The following CSNK1G2 variants were observed in gnomAD, a reference collection of about 807,000 sequenced individuals.
The protein encoded by CSNK1G2 is casein kinase I isoform gamma-2.
CSNK1G2 carries 11 observed loss-of-function variants against 48.0 expected under a neutral mutation model. The observed-to-expected ratio is 0.23, with a 90% CI of 0.14 to 0.38. The LOEUF (loss-of-function observed/expected upper bound fraction) is 0.38, where lower values mean the gene tolerates loss of function less well. Among genes scored for constraint, CSNK1G2 ranks in the 10% least tolerant of loss-of-function variants. CSNK1G2 has a pLI of 1.00. For missense variants in CSNK1G2, 446 were observed against 595.5 expected, an observed-to-expected ratio of 0.75 and a Z score of 2.61; for synonymous variants, 337 against 254.1, an observed-to-expected ratio of 1.33 and a Z score of -3.10.
rs1237028884 is a variant in CSNK1G2, at chr19:1,957,628, C to T, written c.-265-11880C>T. On this transcript the variant is annotated intron_variant, in intron 1 of 11. Coordinates refer to ENST00000255641, the MANE Select transcript of CSNK1G2 (RefSeq NM_001319.7). The surrounding 1 kb of genome is among the most constrained non-coding windows in gnomAD (Gnocchi z 5.4). Reference sequence around the variant, plus strand: ...CCGGGGCGCGCTCCACAGGCTAGGCCACTTTCACAGCTCACCACACAGGCA... The same window carrying T: ...CCGGGGCGCGCTCCACAGGCTAGGCTACTTTCACAGCTCACCACACAGGCA... 2.6e-5 allele frequency among the ~76,000 whole-genome samples: 4 copies of T among 152,330 alleles called. No individual in the cohort carries two copies. The highest frequency in any genetic ancestry group is 9.6e-5 in the African/African-American group (4 of 41,586).
chr19:1,943,649 G>A (rs1010880608), intron 1 of CSNK1G2, among the ~76,000 whole-genome samples: 2 of 152,052 alleles, frequency 1.3e-5, no homozygotes, highest in Admixed American at 1.3e-4. Context: ...TGGAACTGGT[G>A]GGGGTTACCG....
At chr19:1,975,649 C>G (rs1352558077) in intron 2 of CSNK1G2, 1 of 985,308 alleles carries the variant, frequency 1.0e-6, no homozygotes, top group African/African-American at 1.7e-5. Context: ...GCAGGAAGGA[C>G]ACGCAAATGC....
chr19:1,953,317 C>T, intron 1 of CSNK1G2: 1 of 519,790 alleles, frequency 1.9e-6, no homozygotes, highest in Admixed American at 2.0e-5. Flanking sequence ...AGAGCTGAGG[C>T]TGCTGAGGTG....
At position 1,978,234 on chromosome 19, in the gene CSNK1G2, G is replaced by A. The variant is rs1013489778; in HGVS notation, c.188-71G>A. On this transcript the variant is annotated intron_variant, in intron 2 of 11. Transcript: ENST00000255641. This position sits in a 1 kb window ranked among gnomAD's most constrained non-coding sequence, Gnocchi z 7.3. ...GGGACCCCCTCCTGCCTCCTGCCTC[G>A]GGGGTGGGCTGGGGAGGTCGGGGCT... 87 of 1,540,370 alleles carry A rather than the reference G, an allele frequency of 5.6e-5. 1 individual carries two copies. In the South Asian group the frequency reaches 7.0e-4, roughly 12 times the overall value.
chr19:1,946,301 AT>A (rs1343820498), intron 1 of CSNK1G2, among the ~76,000 whole-genome samples: 1 of 72,834 alleles, frequency 1.4e-5, no homozygotes, highest in African/African-American at 3.0e-5. Flanking sequence ...TTATTTATTT[AT>A]TTTTTTTAAG....
At chr19:1,966,442 T>C (rs1035261722) in intron 1 of CSNK1G2, among the ~76,000 whole-genome samples, 9 of 152,166 alleles carry the variant, frequency 5.9e-5, no homozygotes, top group African/African-American at 2.2e-4. Context: ...GAGAAAACTT[T>C]AACACGTGAG....
At chr19:1,947,728 G>A (rs541659691) in intron 1 of CSNK1G2, among the ~76,000 whole-genome samples, 6 of 152,352 alleles carry the variant, frequency 3.9e-5, no homozygotes, top group African/African-American at 9.6e-5. Flanking sequence ...GCTTGCGACC[G>A]CAGGGGTGGT....
At chr19:1,944,493 A>G (rs984860079) in intron 1 of CSNK1G2, among the ~76,000 whole-genome samples, 1 of 151,954 alleles carries the variant, frequency 6.6e-6, no homozygotes, top group Non-Finnish European at 1.5e-5. Flanking sequence ...TGACTCCCAC[A>G]CCTGTGCTTC....
chr19:1,956,616 C>T (rs954737672), intron 1 of CSNK1G2, among the ~76,000 whole-genome samples: 2 of 152,256 alleles, frequency 1.3e-5, no homozygotes, highest in African/African-American at 2.4e-5. Context: ...GGCATTGGCC[C>T]TTTCAGTGGT....
rs549625208 is a variant in CSNK1G2, at chr19:1,957,243, G to A, written c.-265-12265G>A. Among the ~76,000 whole-genome samples the A allele has an allele frequency of 2.4e-4, 37 of 152,326 alleles. No homozygotes were observed. Among genetic ancestry groups the A allele is most frequent in the African/African-American group, 8.4e-4 (35 of 41,562 alleles). On this transcript the variant is annotated intron_variant, in intron 1 of 11. Coordinates refer to ENST00000255641, the MANE Select transcript of CSNK1G2 (RefSeq NM_001319.7). This position sits in a 1 kb window ranked among gnomAD's most constrained non-coding sequence, Gnocchi z 5.4. The stretch of plus-strand genomic sequence containing the variant: ...CCGTGTCAGGAGGGATAGCCTACAC[G>A]GAGAGCAGGCCAGTGGCCCTGTGCC...
chr19:1,942,993 C>T (rs532010059), intron 1 of CSNK1G2, among the ~76,000 whole-genome samples: 110 of 152,256 alleles, frequency 7.2e-4, no homozygotes, highest in Admixed American at 1.8e-3. Context: ...CTCAGCCCCC[C>T]ACAGTGAGCT....
rs748416798 is a variant in CSNK1G2 at position 1,978,271 on chromosome 19, G to A, written c.188-34G>A. ...GGGAGGTCGGGGCTAGGTGGGCCCTGCGCTGGCGGTGCTGATGGTCTCTGT... is the reference window on the plus strand; with the variant it reads ...GGGAGGTCGGGGCTAGGTGGGCCCTACGCTGGCGGTGCTGATGGTCTCTGT... On this transcript the variant is annotated intron_variant, in intron 2 of 11. Transcript: ENST00000255641. The surrounding 1 kb of genome is among the most constrained non-coding windows in gnomAD (Gnocchi z 7.3). The A allele has an allele frequency of 1.2e-5, 20 of 1,612,448 alleles. No homozygotes were observed. The highest frequency in any genetic ancestry group is 2.2e-5 in the East Asian group (1 of 44,882).
At position 1,964,226 on chromosome 19, in the gene CSNK1G2, G is replaced by A. The variant is rs538148317; in HGVS notation, c.-265-5282G>A. ...GAGGATCACTTGGGCCCAGGAGGTC[G>A]AGGCTGCAGCAAGCTGTGATTGCGC... On this transcript the variant is annotated intron_variant, in intron 1 of 11. Transcript: ENST00000255641. Among the ~76,000 whole-genome samples, 225 of 151,774 alleles carry A rather than the reference G, an allele frequency of 1.5e-3. 2 individuals are homozygous for A. The highest frequency in any genetic ancestry group is 3.1e-4 in the African/African-American group (13 of 41,284).
rs542359754 is a variant in CSNK1G2, at chr19:1,943,149, G to C, written c.-266+1731G>C. ...GCAGGACCGTGCAGCGGGCAAATGGGGTGAGATGTTGGAGGAGCTGGCTCT... is the reference window on the plus strand; with the variant it reads ...GCAGGACCGTGCAGCGGGCAAATGGCGTGAGATGTTGGAGGAGCTGGCTCT... On this transcript the variant is annotated intron_variant, in intron 1 of 11. Coordinates refer to ENST00000255641, the MANE Select transcript of CSNK1G2 (RefSeq NM_001319.7). 1.1e-3 allele frequency among the ~76,000 whole-genome samples: 160 copies of C among 152,314 alleles called. 1 individual carries two copies. The highest frequency in any genetic ancestry group is 9.7e-4 in the Non-Finnish European group (66 of 68,024).
Position 1,978,581 on chromosome 19 carries a change from T to A in CSNK1G2, c.299-21T>A. ...GGAGGGGGCTGCCGCCGCACGCCCG[T>A]GCGTCTGTCCTCCGCCGCAGAGGGC... On this transcript the variant is annotated intron_variant, in intron 4 of 11. Transcript: ENST00000255641. The surrounding 1 kb of genome is among the most constrained non-coding windows in gnomAD (Gnocchi z 7.3). The A allele has an allele frequency of 6.3e-7, 1 of 1,579,786 alleles. No individual in the cohort carries two copies. The highest frequency in any genetic ancestry group is 8.6e-7 in the Non-Finnish European group (1 of 1,163,476).
intron 1 of CSNK1G2, among the ~76,000 whole-genome samples, chr19:1,943,944 G>A (rs1262790481): frequency 6.6e-6 from 1 of 152,208 alleles, no homozygotes; most frequent in Non-Finnish European, 1.5e-5. Flanking sequence ...GCCGGGCACA[G>A]CCTGGCAGGG....
chr19:1,978,757 G>A lies in CSNK1G2; in HGVS notation c.447+7G>A, dbSNP rs373180104. On this transcript the variant is annotated splice_region_variant and intron_variant, in intron 5 of 11. Transcript: ENST00000255641. The surrounding 1 kb of genome is among the most constrained non-coding windows in gnomAD (Gnocchi z 7.3). ...GATGATCGCCATCCAGCTGGTGCGC[G>A]GCGGGCGGGGCGGGGCGGGGCTCGG... 6.4e-5 allele frequency: 100 copies of A among 1,572,464 alleles called. No homozygotes were observed. Among genetic ancestry groups the A allele is most frequent in the Non-Finnish European group, 7.5e-5 (87 of 1,158,538 alleles).
At chr19:1,943,814 AC>A (rs572598596) in intron 1 of CSNK1G2, among the ~76,000 whole-genome samples, 1 of 151,824 alleles carries the variant, frequency 6.6e-6, no homozygotes, top group Non-Finnish European at 1.5e-5. Context: ...TCCTTTCTGC[AC>A]CCCCCACCGA....
intron 2 of CSNK1G2, chr19:1,975,643 G>A: frequency 1.0e-6 from 1 of 985,336 alleles, no homozygotes. Flanking sequence ...GGCAGCGCAG[G>A]AAGGACACGC....
Sources: gnomAD v4.1 joint callset for allele counts (sites outside exome capture counted in the v4.1 genomes callset) on GRCh38, gnomAD v4.1.1 for gene constraint, Gnocchi (gnomAD v3.1) non-coding constraint, MANE v1.5 for transcripts, NCBI Gene and HGNC (gene_info 2026-07-23, HGNC 2026-07-21) for gene names.